The following RGS6 variants were observed in gnomAD, a reference collection of about 807,000 sequenced individuals.
RGS6 encodes the protein regulator of G-protein signaling 6.
In RGS6, 30 loss-of-function variants were observed where a neutral mutation model predicts 78.5. The ratio of observed to expected loss-of-function variants is 0.38; its 90% CI spans 0.29 to 0.52. The LOEUF (loss-of-function observed/expected upper bound fraction) is 0.52, where lower values mean the gene tolerates loss of function less well. RGS6 is among the 20% of genes least tolerant of loss of function. The pLI is 0.85. For missense variants in RGS6, 495 were observed against 609.7 expected, an observed-to-expected ratio of 0.81 and a Z score of 1.98; for synonymous variants, 206 against 206.0, an observed-to-expected ratio of 1.00 and a Z score of 0.00.
At chr14:72,191,772 T>C (rs1255406570) in intron 2 of RGS6, among the ~76,000 whole-genome samples, 2 of 152,188 alleles carry the variant, frequency 1.3e-5, no homozygotes, top group Non-Finnish European at 2.9e-5. Context: ...TGTAACCAAA[T>C]ATGTTAAGCT....
intron 3 of RGS6, among the ~76,000 whole-genome samples, chr14:72,356,160 C>A (rs1299264686): frequency 6.6e-6 from 1 of 152,120 alleles, no homozygotes; most frequent in Non-Finnish European, 1.5e-5. Context: ...TGTGTCCCTA[C>A]CCAAATCGCA....
intron 2 of RGS6, among the ~76,000 whole-genome samples, chr14:72,138,698 C>CGAG (rs1349680138): frequency 6.6e-6 from 1 of 151,998 alleles, no homozygotes; most frequent in East Asian, 1.9e-4. Context: ...GTTCTGCGTC[C>CGAG]TATCAGATCA....
intron 2 of RGS6, among the ~76,000 whole-genome samples, chr14:72,265,557 C>T (rs1226072336): frequency 1.3e-5 from 2 of 152,148 alleles, no homozygotes; most frequent in Admixed American, 6.5e-5. Context: ...AGAGGTAGAG[C>T]TTGCAACCAC....
chr14:72,070,951 T>C (rs1363510665), intron 2 of RGS6, among the ~76,000 whole-genome samples: 2 of 152,258 alleles, frequency 1.3e-5, no homozygotes, highest in Non-Finnish European at 2.9e-5. Flanking sequence ...TTACAACTCA[T>C]TGATGCATTT....
At chr14:72,589,420 C>T in the RGS6 span, among the ~76,000 whole-genome samples, 17 of 152,294 alleles carry the variant, frequency 1.1e-4, 1 homozygote, top group South Asian at 3.5e-3. Context: ...CATGGTGGCA[C>T]ACACCTGTAA....
At chr14:72,034,611 G>C (rs1164798541) in intron 2 of RGS6, among the ~76,000 whole-genome samples, 1 of 152,066 alleles carries the variant, frequency 6.6e-6, no homozygotes, top group Non-Finnish European at 1.5e-5. Context: ...ATTTATCAGG[G>C]ATCCTTGTGG....
intron 2 of RGS6, among the ~76,000 whole-genome samples, chr14:72,020,508 TCTC>T (rs1213885274): frequency 6.6e-6 from 1 of 152,200 alleles, no homozygotes; most frequent in Non-Finnish European, 1.5e-5. Context: ...TTGTCTCTCT[TCTC>T]TGCCCGAAAG....
downstream of RGS6, among the ~76,000 whole-genome samples, chr14:72,571,093 T>C (rs182827494): frequency 1.4e-4 from 21 of 152,340 alleles, no homozygotes; most frequent in Admixed American, 1.1e-3. Flanking sequence ...TGATGGACTT[T>C]TCCTATGTAA....
In RGS6 at chr14:72,493,183, C is replaced by A. The variant is rs537568907; in HGVS notation, c.855-1969C>A. On this transcript the variant is annotated intron_variant, in intron 12 of 17. Coordinates refer to ENST00000553525, the MANE Select transcript of RGS6 (RefSeq NM_001204424.2). Reference sequence around the variant, plus strand: ...ATGTCCAAAGATTTTCCAGACACTCCAGGAAGGCTCAGCGTGAAAGAGTAT... The same window carrying A: ...ATGTCCAAAGATTTTCCAGACACTCAAGGAAGGCTCAGCGTGAAAGAGTAT... Among the ~76,000 whole-genome samples, 44 of 152,240 alleles carry A rather than the reference C, an allele frequency of 2.9e-4. 1 individual carries two copies. Among genetic ancestry groups the A allele is most frequent in the South Asian group, 8.3e-4 (4 of 4,808 alleles).
intron 14 of RGS6, among the ~76,000 whole-genome samples, chr14:72,517,703 T>C (rs924261168): frequency 1.3e-5 from 2 of 152,246 alleles, no homozygotes; most frequent in African/African-American, 4.8e-5. Context: ...TTGGCTCAGT[T>C]TCTCCATCTA....
chr14:72,146,467 G>T (rs1321363192), intron 2 of RGS6, among the ~76,000 whole-genome samples: 2 of 152,144 alleles, frequency 1.3e-5, no homozygotes, highest in Non-Finnish European at 2.9e-5. Context: ...ATCTAAATCA[G>T]ATATGTGTGA....
chr14:72,472,979 A>G (rs1207269424), intron 9 of RGS6, 26 bp downstream of exon 9: 2 of 1,532,858 alleles, frequency 1.3e-6, no homozygotes, highest in Non-Finnish European at 1.8e-6. Flanking sequence ...TCAATTCTCT[A>G]GATTTTTTTT....
At chr14:72,234,979 T>A (rs1163015411) in intron 2 of RGS6, among the ~76,000 whole-genome samples, 1 of 152,168 alleles carries the variant, frequency 6.6e-6, no homozygotes, top group Non-Finnish European at 1.5e-5. Flanking sequence ...GAGACGATAT[T>A]CTTGTCCTCG....
chr14:72,616,279 T>C, the RGS6 span, among the ~76,000 whole-genome samples: 1 of 152,180 alleles, frequency 6.6e-6, no homozygotes, highest in Admixed American at 6.5e-5. Context: ...AAACAAATCA[T>C]AGCCCTCTCT....
At chr14:72,214,119 G>C (rs1203001003) in intron 2 of RGS6, among the ~76,000 whole-genome samples, 2 of 150,970 alleles carry the variant, frequency 1.3e-5, no homozygotes, top group African/African-American at 4.9e-5. Context: ...TTTGGATAGA[G>C]TATAATGGTG....
the RGS6 span, among the ~76,000 whole-genome samples, chr14:71,906,322 T>G: frequency 3.0e-4 from 46 of 152,320 alleles, 1 homozygote; most frequent in Admixed American, 7.8e-4. Context: ...GTCTGCACAG[T>G]TGGGGGCTCT....
chr14:71,948,154 G>A (rs752921175), intron 1 of RGS6, among the ~76,000 whole-genome samples: 5 of 152,136 alleles, frequency 3.3e-5, no homozygotes, highest in East Asian at 1.9e-4. Context: ...TCTATGGCAC[G>A]AGAGAAGAAG....
intron 2 of RGS6, among the ~76,000 whole-genome samples, chr14:72,113,672 G>A (rs1020337613): frequency 3.9e-5 from 6 of 152,216 alleles, no homozygotes; most frequent in Non-Finnish European, 5.9e-5. Context: ...GCTGCAGGTG[G>A]TGGCTGTGGG....
intron 12 of RGS6, 89 bp downstream of exon 12, chr14:72,478,418 G>A (rs2096289646): frequency 2.1e-6 from 2 of 939,872 alleles, no homozygotes; most frequent in African/African-American, 3.3e-5. Flanking sequence ...TGTGTTCAAT[G>A]CCAAGAGTTA....
Sources: allele counts gnomAD v4.1 joint callset (sites outside exome capture counted in the v4.1 genomes callset), GRCh38; gene constraint gnomAD v4.1.1; transcripts MANE v1.5; gene names NCBI Gene and HGNC (gene_info 2026-07-23, HGNC 2026-07-21).